POU2F1: variants seen among roughly 807,000 people sequenced by gnomAD.
POU2F1 encodes POU class 2 homeobox 1, also known as POU domain, class 2, transcription factor 1.
In POU2F1, 16 loss-of-function variants were observed where a neutral mutation model predicts 84.9. The observed-to-expected ratio is 0.19, with a 90% CI of 0.13 to 0.29. The LOEUF is 0.29. Among genes scored for constraint, POU2F1 ranks in the 10% least tolerant of loss-of-function variants. The pLI is 1.00. For synonymous variants in POU2F1, 368 were observed against 368.3 expected (o/e 1.00, Z 0.01); for missense variants, 738 against 942.6 (o/e 0.78, Z 2.84).
chr1:167,399,992 T>G (rs1302675407), intron 12 of POU2F1, among the ~76,000 whole-genome samples: 2 of 135,732 alleles, frequency 1.5e-5, no homozygotes, highest in African/African-American at 5.6e-5. Flanking sequence ...TTTTTTTTTT[T>G]TTTTTGTTGA....
rs1396976913 is a variant in POU2F1 at position 167,370,107 on chromosome 1, C to A, written c.229-54C>A. The A allele has an allele frequency of 5.6e-6, 8 of 1,440,888 alleles. No individual in the cohort carries two copies. The East Asian group carries it at 1.4e-4, about 25-fold the overall frequency. 89.3% of individuals were successfully genotyped at this position (1,440,888 alleles called of 1,614,324 possible). A position where few individuals can be genotyped will look rare whatever the true frequency, so the allele number is the denominator to read the frequency against. On this transcript the variant is annotated intron_variant, in intron 3 of 15. Coordinates refer to ENST00000367866, the MANE Select transcript of POU2F1 (RefSeq NM_002697.4). ...TAGACTTTATTTAGTGATGACAACC[C>A]CTTGTGATGAATGTCAACAGTATTA...
At chr1:167,357,919 T>A (rs1365522569) in intron 2 of POU2F1, among the ~76,000 whole-genome samples, 5 of 147,474 alleles carry the variant, frequency 3.4e-5, no homozygotes, top group African/African-American at 1.3e-4. Context: ...TCCCCCTGCC[T>A]CAGCCTCCTG....
chr1:167,361,540 T>C (rs1172069308), intron 2 of POU2F1, among the ~76,000 whole-genome samples: 2 of 152,192 alleles, frequency 1.3e-5, no homozygotes, highest in Non-Finnish European at 2.9e-5. Context: ...TCATGGGGAA[T>C]TGACTTTTTG....
intron 1 of POU2F1, among the ~76,000 whole-genome samples, chr1:167,327,694 G>A (rs1262613790): frequency 1.3e-5 from 2 of 152,016 alleles, no homozygotes; most frequent in Non-Finnish European, 2.9e-5. Context: ...TTCACTACAC[G>A]GAAAACAAAC....
intron 1 of POU2F1, among the ~76,000 whole-genome samples, chr1:167,281,657 G>A (rs1042373978): frequency 3.3e-5 from 5 of 152,164 alleles, no homozygotes; most frequent in African/African-American, 4.8e-5. Context: ...GCCAAAACTC[G>A]GTGATTGGCG....
At chr1:167,251,410 C>T (rs111534109) in intron 1 of POU2F1, among the ~76,000 whole-genome samples, 16 of 151,402 alleles carry the variant, frequency 1.1e-4, no homozygotes, top group African/African-American at 2.2e-4. Context: ...AACAAACAAA[C>T]AAATAAATAA....
At chr1:167,333,786 C>T (rs1657234455) in intron 2 of POU2F1, among the ~76,000 whole-genome samples, 1 of 152,150 alleles carries the variant, frequency 6.6e-6, no homozygotes. Flanking sequence ...CAGCCAGTCT[C>T]CTTTTTGTTA....
chr1:167,312,134 C>G (rs1655530345), intron 1 of POU2F1, among the ~76,000 whole-genome samples: 1 of 151,960 alleles, frequency 6.6e-6, no homozygotes, highest in Non-Finnish European at 1.5e-5. Context: ...GATGGGGTTT[C>G]ACCATTTTGG....
chr1:167,263,869 T>TA (rs1473405969), intron 1 of POU2F1, among the ~76,000 whole-genome samples: 1 of 152,208 alleles, frequency 6.6e-6, no homozygotes, highest in Non-Finnish European at 1.5e-5. Context: ...GGAGGGAAGA[T>TA]ATGTTGAAAT....
In POU2F1 at chr1:167,358,737, T is replaced by TTTTTTTTTTTTTTTTTTTTTTTTTTTG. The variant is rs71097670; in HGVS notation, c.128-6730_128-6729insTTTTTTTTTTTTTTTTTTTTTTTTTTG. Among the ~76,000 whole-genome samples, 13 of 88,774 alleles carry TTTTTTTTTTTTTTTTTTTTTTTTTTTG rather than the reference T, an allele frequency of 1.5e-4. 3 individuals are homozygous for TTTTTTTTTTTTTTTTTTTTTTTTTTTG. Among genetic ancestry groups the TTTTTTTTTTTTTTTTTTTTTTTTTTTG allele is most frequent in the East Asian group, 4.4e-4 (1 of 2,284 alleles). The allele number at this position is 88,774 out of a possible 152,430, so 58.2% of individuals were successfully genotyped here. A position where few individuals can be genotyped will look rare whatever the true frequency, so the allele number is the denominator to read the frequency against. On this transcript the variant is annotated intron_variant, in intron 2 of 15. Transcript: ENST00000367866. ...GCAGCTTTTTTTTTTTTTTTTTTTT[T>TTTTTTTTTTTTTTTTTTTTTTTTTTTG]GAGACAGGTTCTGACTGTGCTGCTC...
Position 167,383,970 on chromosome 1 carries a change from G to A in POU2F1, c.813+19G>A. The A allele has an allele frequency of 1.3e-6, 2 of 1,581,498 alleles. No individual in the cohort carries two copies. The highest frequency in any genetic ancestry group is 2.3e-5 in the South Asian group (2 of 87,830). ...CTCCCAGGTCAGTTTTCTTCTATGG[G>A]GGCTGCTTTCTCTTATCATATTGTT... On this transcript the variant is annotated intron_variant, in intron 8 of 15. Coordinates refer to ENST00000367866, the MANE Select transcript of POU2F1 (RefSeq NM_002697.4).
rs1650569291 is a variant in POU2F1 at position 167,420,295 on chromosome 1, CTGGGAT to C, written c.*4487_*4492del. 1 of 151,480 alleles carries C rather than the reference CTGGGAT, an allele frequency of 6.6e-6. No homozygotes were observed. The highest frequency in any genetic ancestry group is 1.9e-4 in the East Asian group (1 of 5,130). 9.4% of individuals were successfully genotyped at this position (151,480 alleles called of 1,614,324 possible). A position where few individuals can be genotyped will look rare whatever the true frequency, so the allele number is the denominator to read the frequency against. On this transcript the variant is annotated 3_prime_UTR_variant, in exon 16 of 16. Coordinates refer to ENST00000367866, the MANE Select transcript of POU2F1 (RefSeq NM_002697.4). ...TCTCCTGCTTCAGCCTCCCAAGTAG[CTGGGAT>C]TACAGGCGCCCACCACCGCACCCGG... is the stretch of plus-strand genomic sequence containing the variant.
At chr1:167,252,151 C>T (rs940282617) in intron 1 of POU2F1, among the ~76,000 whole-genome samples, 12 of 152,006 alleles carry the variant, frequency 7.9e-5, no homozygotes, top group East Asian at 5.8e-4. Flanking sequence ...TGTGAGCCAC[C>T]GCTGCAAGTC....
At chr1:167,329,051 T>C (rs1173667884) in intron 1 of POU2F1, 8 of 1,198,408 alleles carry the variant, frequency 6.7e-6, no homozygotes, top group African/African-American at 1.6e-5. Context: ...CTAAAACTCC[T>C]CTGAGCAACT....
At chr1:167,272,251 T>C (rs1434744969) in intron 1 of POU2F1, among the ~76,000 whole-genome samples, 2 of 152,174 alleles carry the variant, frequency 1.3e-5, no homozygotes, top group African/African-American at 4.8e-5. Flanking sequence ...AAATGCTTTT[T>C]TTGGTGAATG....
chr1:167,261,352 T>A (rs1239879114), intron 1 of POU2F1, among the ~76,000 whole-genome samples: 2 of 152,218 alleles, frequency 1.3e-5, no homozygotes, highest in African/African-American at 4.8e-5. Flanking sequence ...TGTTTTTAGA[T>A]GTCTGGATTT....
chr1:167,333,952 G>A (rs1345571588), intron 2 of POU2F1, among the ~76,000 whole-genome samples: 1 of 152,112 alleles, frequency 6.6e-6, no homozygotes, highest in Non-Finnish European at 1.5e-5. Flanking sequence ...GGGTGGGGCA[G>A]TGGGCAGGAC....
chr1:167,300,318 G>A lies in POU2F1; in HGVS notation c.62-32152G>A, dbSNP rs73022228. Among the ~76,000 whole-genome samples, 219 of 152,194 alleles carry A rather than the reference G, an allele frequency of 1.4e-3. 1 individual carries two copies. Among genetic ancestry groups the A allele is most frequent in the African/African-American group, 4.6e-3 (193 of 41,520 alleles). ...GTTAAAAAATTAGAGATCAGGTACC[G>A]TATTCACTGTTTGGGTTATGGGTTC... On this transcript the variant is annotated intron_variant, in intron 1 of 15. Transcript: ENST00000367866.
In POU2F1 at chr1:167,415,941, GAAAAA is replaced by G; in HGVS notation, c.*142_*146del. The G allele has an allele frequency of 2.3e-6, 1 of 434,216 alleles. No homozygotes were observed. Among genetic ancestry groups the G allele is most frequent in the Non-Finnish European group, 4.0e-6 (1 of 248,400 alleles). The allele number at this position is 434,216 out of a possible 1,614,324, so 26.9% of individuals were successfully genotyped here. A position where few individuals can be genotyped will look rare whatever the true frequency, so the allele number is the denominator to read the frequency against. Reference sequence around the variant, plus strand: ...TTGTGAGGGCAAAGGAGAGAAGGGAGAAAAAAAAAAAAAAACCACACACACCCATA... The same window carrying G: ...TTGTGAGGGCAAAGGAGAGAAGGGAGAAAAAAAAAACCACACACACCCATA... On this transcript the variant is annotated 3_prime_UTR_variant, in exon 16 of 16. Coordinates refer to ENST00000367866, the MANE Select transcript of POU2F1 (RefSeq NM_002697.4).
Sources: gnomAD v4.1 joint callset for allele counts (sites outside exome capture counted in the v4.1 genomes callset) on GRCh38, gnomAD v4.1.1 for gene constraint, MANE v1.5 for transcripts, NCBI Gene and HGNC (gene_info 2026-07-23, HGNC 2026-07-21) for gene names.